The following RALYL variants were observed in gnomAD, a reference collection of about 807,000 sequenced individuals.
RALYL encodes the protein RALY RNA binding protein like.
RALYL carries 29 observed loss-of-function variants against 35.1 expected under a neutral mutation model. That is an observed-to-expected ratio of 0.83 (90% CI 0.61 to 1.13). The LOEUF (loss-of-function observed/expected upper bound fraction) is 1.13. Among genes scored for constraint, RALYL ranks in the 50% most tolerant of loss-of-function variants. The pLI, the probability that RALYL is intolerant of heterozygous loss-of-function variation, is 0.00. For synonymous variants in RALYL, 120 were observed against 127.6 expected, an observed-to-expected ratio of 0.94 and a Z score of 0.40; for missense variants, 359 against 360.4, an observed-to-expected ratio of 1.00 and a Z score of 0.03.
intron 1 of RALYL, among the ~76,000 whole-genome samples, chr8:84,245,417 T>C (rs1828865844): frequency 6.6e-6 from 1 of 152,210 alleles, no homozygotes; most frequent in South Asian, 2.1e-4. Context: ...TTTTACCAGA[T>C]TGTAAAAAAT....
At chr8:84,456,551 A>G (rs1479093) in intron 1 of RALYL, among the ~76,000 whole-genome samples, 52,927 of 151,730 alleles carry the variant, frequency 0.35, 9,527 homozygotes, top group South Asian at 0.52. Flanking sequence ...AGAAAAAAAA[A>G]GGTGAATGAA....
chr8:84,312,136 G>A (rs1842937358), intron 1 of RALYL, among the ~76,000 whole-genome samples: 1 of 152,070 alleles, frequency 6.6e-6, no homozygotes, highest in South Asian at 2.1e-4. Context: ...AGATAGCAAG[G>A]GCAGGGGAAA....
intron 1 of RALYL, among the ~76,000 whole-genome samples, chr8:84,337,782 C>T (rs1213180029): frequency 6.6e-6 from 1 of 152,002 alleles, no homozygotes; most frequent in Non-Finnish European, 1.5e-5. Flanking sequence ...ATTTGATACA[C>T]CTTGTAAAAG....
intron 2 of RALYL, among the ~76,000 whole-genome samples, chr8:84,547,169 T>C (rs1461302697): frequency 1.3e-5 from 2 of 152,088 alleles, no homozygotes; most frequent in African/African-American, 4.8e-5. Flanking sequence ...CCCTGTGTTC[T>C]CATTGTTCAG....
At chr8:84,231,446 C>T (rs1031290663) in intron 1 of RALYL, among the ~76,000 whole-genome samples, 3 of 151,986 alleles carry the variant, frequency 2.0e-5, no homozygotes, top group Non-Finnish European at 2.9e-5. Context: ...TGTTGATGAC[C>T]TTATAGTACT....
intron 6 of RALYL, 92 bp downstream of exon 6, chr8:84,862,545 A>T (rs558012428): frequency 9.8e-7 from 1 of 1,023,932 alleles, no homozygotes; most frequent in East Asian, 3.1e-5. Flanking sequence ...TTAACCAGAT[A>T]GTTATGAAGG....
intron 1 of RALYL, among the ~76,000 whole-genome samples, chr8:84,460,700 T>C (rs1057348572): frequency 1.3e-5 from 2 of 151,540 alleles, no homozygotes; most frequent in Admixed American, 6.6e-5. Flanking sequence ...AGTTGGAGGG[T>C]CGGGGAACAA....
At chr8:84,670,898 CA>C (rs1421678571) in intron 2 of RALYL, among the ~76,000 whole-genome samples, 1 of 152,190 alleles carries the variant, frequency 6.6e-6, no homozygotes, top group Non-Finnish European at 1.5e-5. Context: ...GCCTTCCCAA[CA>C]GTCACCCGAA....
intron 2 of RALYL, among the ~76,000 whole-genome samples, chr8:84,709,744 C>T: frequency 6.6e-6 from 1 of 152,032 alleles, no homozygotes; most frequent in East Asian, 1.9e-4. Context: ...CCTGGTACCA[C>T]CTATATTCTA....
chr8:84,591,381 C>T (rs903692058), intron 2 of RALYL, among the ~76,000 whole-genome samples: 3 of 152,154 alleles, frequency 2.0e-5, no homozygotes, highest in Non-Finnish European at 2.9e-5. Flanking sequence ...GCATAGACAT[C>T]AGCATGTTTG....
chr8:84,411,637 CAA>C (rs368854843), intron 1 of RALYL, among the ~76,000 whole-genome samples: 208 of 152,056 alleles, frequency 1.4e-3, no homozygotes, highest in African/African-American at 4.5e-3. Flanking sequence ...AAGCACTTAA[CAA>C]AATATCAGGC....
chr8:84,272,201 T>G (rs1834439043), intron 1 of RALYL, among the ~76,000 whole-genome samples: 2 of 152,144 alleles, frequency 1.3e-5, no homozygotes, highest in Non-Finnish European at 2.9e-5. Flanking sequence ...CAAGCGATTC[T>G]CCTGCCTCAG....
chr8:84,249,892 T>C (rs977858), intron 1 of RALYL, among the ~76,000 whole-genome samples: 69,896 of 151,004 alleles, frequency 0.46, 16,354 homozygotes, highest in East Asian at 0.53. Context: ...TTTTCCTATA[T>C]GCACATAACC....
At chr8:84,882,726 C>CACAT (rs1331929771) in intron 7 of RALYL, among the ~76,000 whole-genome samples, 1 of 151,866 alleles carries the variant, frequency 6.6e-6, no homozygotes, top group East Asian at 1.9e-4. Flanking sequence ...GAGAGAAATG[C>CACAT]ACATACACAC....
chr8:84,780,010 A>T (rs1030946321), intron 3 of RALYL, among the ~76,000 whole-genome samples: 1 of 152,226 alleles, frequency 6.6e-6, no homozygotes, highest in African/African-American at 2.4e-5. Context: ...TTTGCTGAGA[A>T]ATGTTTACCA....
chr8:84,490,362 T>C (rs1222361445), intron 1 of RALYL, among the ~76,000 whole-genome samples: 3 of 151,908 alleles, frequency 2.0e-5, no homozygotes, highest in African/African-American at 7.2e-5. Flanking sequence ...GCAAAGGAGA[T>C]AATCTGCTCA....
At chr8:84,851,420 A>C (rs1366832722) in intron 5 of RALYL, among the ~76,000 whole-genome samples, 1 of 152,204 alleles carries the variant, frequency 6.6e-6, no homozygotes, top group Non-Finnish European at 1.5e-5. Context: ...TATTTAACTA[A>C]TATCAGTAAC....
intron 2 of RALYL, among the ~76,000 whole-genome samples, chr8:84,577,432 G>A (rs2135910385): frequency 6.6e-6 from 1 of 152,282 alleles, no homozygotes. Flanking sequence ...TGGCAGAGAA[G>A]GAAGTTGGGC....
In RALYL at chr8:84,444,573, G is replaced by A. The variant is rs1279485232; in HGVS notation, c.-23-84726G>A. Reference sequence around the variant, plus strand: ...ATACATCATTCTAGCAGATCCATTTGTCTACCTGTTTTATCACTCTAGAGG... The same window carrying A: ...ATACATCATTCTAGCAGATCCATTTATCTACCTGTTTTATCACTCTAGAGG... On this transcript the variant is annotated intron_variant, in intron 1 of 8. Coordinates refer to ENST00000521268, the MANE Select transcript of RALYL (RefSeq NM_173848.7). Among the ~76,000 whole-genome samples the A allele has an allele frequency of 3.3e-5, 5 of 151,970 alleles. No individual in the cohort carries two copies. The East Asian group carries it at 9.7e-4, about 29-fold the overall frequency.
Sources: allele counts gnomAD v4.1 joint callset (sites outside exome capture counted in the v4.1 genomes callset), GRCh38; gene constraint gnomAD v4.1.1; transcripts MANE v1.5; gene names NCBI Gene and HGNC (gene_info 2026-07-23, HGNC 2026-07-21).